CLEC2L: variants seen among roughly 807,000 people sequenced by gnomAD.
CLEC2L encodes C-type lectin domain family 2 member L.
CLEC2L carries 14 observed loss-of-function variants against 23.6 expected under a neutral mutation model. That is an observed-to-expected ratio of 0.59 (90% CI 0.39 to 0.93). CLEC2L has a LOEUF of 0.93. CLEC2L is among the 40% of genes least tolerant of loss of function. The pLI is 0.00. For missense variants in CLEC2L, 264 were observed against 282.4 expected (o/e 0.93, Z 0.47); for synonymous variants, 114 against 121.3 (o/e 0.94, Z 0.40).
At chr7:139,537,907 A>G (rs1797681977) in intron 2 of CLEC2L, among the ~76,000 whole-genome samples, 1 of 152,244 alleles carries the variant, frequency 6.6e-6, no homozygotes, top group African/African-American at 2.4e-5. Flanking sequence ...ATGTGAGGCT[A>G]TATGAACAGG....
intron 1 of CLEC2L, among the ~76,000 whole-genome samples, chr7:139,533,010 C>G (rs548921517): frequency 7.2e-5 from 11 of 152,162 alleles, no homozygotes; most frequent in African/African-American, 2.7e-4. Flanking sequence ...GAAAAGAAGA[C>G]CAGGATTAAC....
chr7:139,530,223 G>A (rs939445202), intron 1 of CLEC2L, among the ~76,000 whole-genome samples: 2 of 151,904 alleles, frequency 1.3e-5, no homozygotes, highest in Non-Finnish European at 2.9e-5. Flanking sequence ...ACAGCAAGGG[G>A]ATTTTTAAAA....
intron 1 of CLEC2L, among the ~76,000 whole-genome samples, chr7:139,526,849 T>A (rs952250360): frequency 1.8e-4 from 28 of 152,188 alleles, no homozygotes; most frequent in Non-Finnish European, 5.9e-5. Flanking sequence ...CACTTGGACT[T>A]CTGGTCAGCC....
chr7:139,540,433 G>A lies in CLEC2L; in HGVS notation c.378G>A (p.Gln126=). ...CCAGAGACTGGAACACAGGCAGGCAGTACTGCCACACCCACGAGGCGGTGC... is the reference window on the plus strand; with the variant it reads ...CCAGAGACTGGAACACAGGCAGGCAATACTGCCACACCCACGAGGCGGTGC... ...EEPRDWNTGR[Q]YCHTHEAVLA... Residue 126 remains glutamine, a synonymous_variant, in exon 3 of 5, where the codon CAG becomes CAA. Coordinates refer to ENST00000422142, the MANE Select transcript of CLEC2L (RefSeq NM_001080511.4). This position sits in a 1 kb window ranked among gnomAD's most constrained non-coding sequence, Gnocchi z 5.8. 6.2e-7 allele frequency: 1 copy of A among 1,605,548 alleles called. No individual in the cohort carries two copies. The highest frequency in any genetic ancestry group is 8.5e-7 in the Non-Finnish European group (1 of 1,176,402).
At chr7:139,531,062 G>A (rs375051317) in intron 1 of CLEC2L, among the ~76,000 whole-genome samples, 1 of 152,148 alleles carries the variant, frequency 6.6e-6, no homozygotes, top group Admixed American at 6.6e-5. Context: ...TCACTCTACT[G>A]TGTCCCCCAC....
In CLEC2L at chr7:139,544,238, A is replaced by G. The variant is rs777925192; in HGVS notation, c.541A>G (p.Ile181Val). 16 of 1,612,486 alleles carry G rather than the reference A, an allele frequency of 9.9e-6. No individual in the cohort carries two copies. Among genetic ancestry groups the G allele is most frequent in the African/African-American group, 1.3e-5 (1 of 74,894 alleles). Residue 181 changes from isoleucine (I) to valine (V), a missense_variant, in exon 5 of 5, where the codon ATC (isoleucine) becomes GTC (valine). Transcript: ENST00000422142. ...CTTCTCTCCTGGCCACAGGTTCACC[A>G]TCGCAGGTCCAGGGGAGTGTGTCTT... ...GDPFDPDTFT[I>V]AGPGECVFVE...
chr7:139,541,904 T>A, intron 3 of CLEC2L, 117 bp from the exon 4 acceptor site: 1 of 708,562 alleles, frequency 1.4e-6, no homozygotes, highest in South Asian at 1.7e-5. Flanking sequence ...ACAGTCACTC[T>A]CCTGGCGTCT....
chr7:139,525,405 A>G (rs1797493032), intron 1 of CLEC2L, among the ~76,000 whole-genome samples: 2 of 152,128 alleles, frequency 1.3e-5, no homozygotes, highest in African/African-American at 4.8e-5. Context: ...TGTCCGAGGA[A>G]GGGCTGTGCA....
intron 1 of CLEC2L, among the ~76,000 whole-genome samples, chr7:139,530,076 C>T (rs1361815061): frequency 1.3e-5 from 2 of 150,690 alleles, no homozygotes; most frequent in African/African-American, 2.4e-5. Flanking sequence ...CCCAGCTACT[C>T]AGGAGGCTGA....
At chr7:139,534,763 T>C (rs1031785626) in intron 1 of CLEC2L, among the ~76,000 whole-genome samples, 1 of 152,108 alleles carries the variant, frequency 6.6e-6, no homozygotes, top group Non-Finnish European at 1.5e-5. Flanking sequence ...CCTTTTTTTT[T>C]ACTTAAACAT....
chr7:139,525,551 C>G (rs1027950171), intron 1 of CLEC2L, among the ~76,000 whole-genome samples: 19 of 152,222 alleles, frequency 1.2e-4, no homozygotes, highest in African/African-American at 3.6e-4. Context: ...CAGACACCCC[C>G]CCGTGACGCT....
At position 139,540,335 on chromosome 7, in the gene CLEC2L, A is replaced by G. The variant is rs1185436724; in HGVS notation, c.280A>G (p.Ile94Val). 6.2e-7 allele frequency: 1 copy of G among 1,610,362 alleles called. No individual in the cohort carries two copies. Among genetic ancestry groups the G allele is most frequent in the Non-Finnish European group, 8.5e-7 (1 of 1,178,790 alleles). Residue 94 changes from isoleucine (I) to valine (V), a missense_variant, in exon 3 of 5, where the codon ATC (isoleucine) becomes GTC (valine). Coordinates refer to ENST00000422142, the MANE Select transcript of CLEC2L (RefSeq NM_001080511.4). The surrounding 1 kb of genome is among the most constrained non-coding windows in gnomAD (Gnocchi z 5.8). ...VMSILASKGCIKCEAPCPEDW... is the reference protein window; with the variant it reads ...VMSILASKGCVKCEAPCPEDW... Reference sequence around the variant, plus strand: ...CTTCCCTGCAGCTTCCAAGGGCTGCATCAAGTGCGAAGCGCCCTGCCCGGA... The same window carrying G: ...CTTCCCTGCAGCTTCCAAGGGCTGCGTCAAGTGCGAAGCGCCCTGCCCGGA...
rs1434302236 is a variant in CLEC2L at position 139,540,247 on chromosome 7, G to C, written c.266-74G>C. ...GCAGGACGCCAAAGCTGAGGCAGGG[G>C]AGGGAGCCACAGAAAGCAGAGTGGG... On this transcript the variant is annotated intron_variant, in intron 2 of 4. Coordinates refer to ENST00000422142, the MANE Select transcript of CLEC2L (RefSeq NM_001080511.4). The surrounding 1 kb of genome is among the most constrained non-coding windows in gnomAD (Gnocchi z 5.8). 1 of 1,474,570 alleles carries C rather than the reference G, an allele frequency of 6.8e-7. No individual in the cohort carries two copies. The highest frequency in any genetic ancestry group is 2.4e-5 in the East Asian group (1 of 41,000). The allele number at this position is 1,474,570 out of a possible 1,614,324, so 91.3% of individuals were successfully genotyped here. A position where few individuals can be genotyped will look rare whatever the true frequency, so the allele number is the denominator to read the frequency against.
intron 1 of CLEC2L, among the ~76,000 whole-genome samples, chr7:139,526,774 T>G (rs1000487712): frequency 3.9e-5 from 6 of 152,208 alleles, no homozygotes; most frequent in African/African-American, 1.4e-4. Context: ...TGGTGACTCC[T>G]CTTCCCAGCT....
chr7:139,534,294 T>G, intron 1 of CLEC2L: 1 of 1,471,332 alleles, frequency 6.8e-7, no homozygotes. Flanking sequence ...AAGGCAGAAC[T>G]TATGCTGACT....
Position 139,540,375 on chromosome 7 carries a change from A to G in CLEC2L, c.320A>G (p.Tyr107Cys). 1 of 1,611,682 alleles carries G rather than the reference A, an allele frequency of 6.2e-7. No individual in the cohort carries two copies. Among genetic ancestry groups the G allele is most frequent in the South Asian group, 1.1e-5 (1 of 90,376 alleles). Residue 107 changes from tyrosine to cysteine, a missense_variant, in exon 3 of 5, where the codon TAC becomes TGC. Transcript: ENST00000422142. The surrounding 1 kb of genome is among the most constrained non-coding windows in gnomAD (Gnocchi z 5.8). ...CCCTGCCCGGAGGACTGGCTGCTCT[A>G]CGGAAGGAAGTGCTACTTCTTTTCC... The part of the protein sequence containing the change: ...EAPCPEDWLL[Y>C]GRKCYFFSEE...
rs746347707 is a variant in CLEC2L at position 139,540,448 on chromosome 7, C to T, written c.393C>T (p.His131=). Residue 131 remains histidine, a synonymous_variant, in exon 3 of 5, where the codon CAC becomes CAT. Coordinates refer to ENST00000422142, the MANE Select transcript of CLEC2L (RefSeq NM_001080511.4). The surrounding 1 kb of genome is among the most constrained non-coding windows in gnomAD (Gnocchi z 5.8). ...WNTGRQYCHT[H]EAVLAVIQSQ... ...CAGGCAGGCAGTACTGCCACACCCA[C>T]GAGGCGGTGCTGGCTGTGATTCAGA... 1.1e-5 allele frequency: 18 copies of T among 1,601,702 alleles called. No individual in the cohort carries two copies. The highest frequency in any genetic ancestry group is 3.4e-5 in the Admixed American group (2 of 58,274).
At chr7:139,542,464 G>A (rs904787594) in intron 4 of CLEC2L, among the ~76,000 whole-genome samples, 2 of 152,192 alleles carry the variant, frequency 1.3e-5, no homozygotes, top group African/African-American at 2.4e-5. Context: ...CAGCCAGAAC[G>A]GGACAGAGAA....
chr7:139,538,475 G>A lies in CLEC2L; in HGVS notation c.266-1846G>A, dbSNP rs548802171. Among the ~76,000 whole-genome samples the A allele has an allele frequency of 1.4e-3, 215 of 150,786 alleles. 3 individuals carry two copies. The highest frequency in any genetic ancestry group is 7.0e-3 in the Middle Eastern group (2 of 284). ...ACAAAAAACAAAAAAAGGTCCGGGCGTGGTGGCTCACGCCTGTAATCCCAG... is the reference window on the plus strand; with the variant it reads ...ACAAAAAACAAAAAAAGGTCCGGGCATGGTGGCTCACGCCTGTAATCCCAG... On this transcript the variant is annotated intron_variant, in intron 2 of 4. Coordinates refer to ENST00000422142, the MANE Select transcript of CLEC2L (RefSeq NM_001080511.4).
Sources: gnomAD v4.1 joint callset for allele counts (sites outside exome capture counted in the v4.1 genomes callset) on GRCh38, gnomAD v4.1.1 for gene constraint, Gnocchi (gnomAD v3.1) non-coding constraint, MANE v1.5 for transcripts, NCBI Gene and HGNC (gene_info 2026-07-23, HGNC 2026-07-21) for gene names.